IGF1R: variants seen among roughly 807,000 people sequenced by gnomAD.
IGF1R encodes the protein insulin-like growth factor 1 receptor.
In IGF1R, 44 loss-of-function variants were observed where a neutral mutation model predicts 144.6. The observed-to-expected ratio is 0.30, with a 90% CI of 0.24 to 0.39. The LOEUF (loss-of-function observed/expected upper bound fraction) is 0.39. Ranked by LOEUF, IGF1R falls within the 10% of genes least tolerant of loss-of-function variation. The pLI is 1.00. For synonymous variants in IGF1R, 795 were observed against 722.8 expected, an observed-to-expected ratio of 1.10 and a Z score of -1.60; for missense variants, 1,355 against 1,833.7, an observed-to-expected ratio of 0.74 and a Z score of 4.77.
chr15:98,714,975 G>A (rs1024332365), intron 2 of IGF1R, among the ~76,000 whole-genome samples: 1 of 152,158 alleles, frequency 6.6e-6, no homozygotes, highest in Non-Finnish European at 1.5e-5. Context: ...GGGGCTTGTG[G>A]ACCCTGGAGG....
At chr15:98,833,717 GT>G (rs1465994661) in intron 2 of IGF1R, among the ~76,000 whole-genome samples, 1 of 152,154 alleles carries the variant, frequency 6.6e-6, no homozygotes, top group African/African-American at 2.4e-5. Context: ...CATTTTGCAT[GT>G]TTTTGACAGG....
intron 2 of IGF1R, among the ~76,000 whole-genome samples, chr15:98,837,670 A>C (rs2011112085): frequency 6.6e-6 from 1 of 150,852 alleles, no homozygotes; most frequent in Non-Finnish European, 1.5e-5. Context: ...TGATCTTGTC[A>C]TGCTTTGGTG....
intron 2 of IGF1R, among the ~76,000 whole-genome samples, chr15:98,727,751 C>G (rs1455772929): frequency 6.6e-6 from 1 of 152,130 alleles, no homozygotes; most frequent in Non-Finnish European, 1.5e-5. Flanking sequence ...CCGGGTGGGT[C>G]CAGCACCCGC....
intron 2 of IGF1R, among the ~76,000 whole-genome samples, chr15:98,723,174 C>T (rs1332433487): frequency 1.3e-5 from 2 of 151,908 alleles, no homozygotes; most frequent in African/African-American, 2.4e-5. Context: ...TTTTATTCCA[C>T]GCTCCCCCAC....
At chr15:98,922,945 G>T (rs1404819901) in intron 11 of IGF1R, among the ~76,000 whole-genome samples, 1 of 152,128 alleles carries the variant, frequency 6.6e-6, no homozygotes, top group Non-Finnish European at 1.5e-5. Context: ...TTTGAAGGTG[G>T]GTGCCTTCAA....
rs1390246121 is a variant in IGF1R at position 98,961,574 on chromosome 15, T to A, written c.*4132T>A. On this transcript the variant is annotated 3_prime_UTR_variant, in exon 21 of 21. Coordinates refer to ENST00000650285, the MANE Select transcript of IGF1R (RefSeq NM_000875.5). ...TTCCAAATAATCTTAAGCTGAGTTGTGGCATTTTCCATGCAACCTCCTTCT... is the reference window on the plus strand; with the variant it reads ...TTCCAAATAATCTTAAGCTGAGTTGAGGCATTTTCCATGCAACCTCCTTCT... 1 of 233,684 alleles carries A rather than the reference T, an allele frequency of 4.3e-6. No individual in the cohort carries two copies. The highest frequency in any genetic ancestry group is 5.6e-5 in the Admixed American group (1 of 17,792). 14.5% of individuals were successfully genotyped at this position (233,684 alleles called of 1,614,324 possible).
At chr15:98,675,775 T>C (rs1391321982) in intron 1 of IGF1R, among the ~76,000 whole-genome samples, 1 of 151,998 alleles carries the variant, frequency 6.6e-6, no homozygotes, top group Admixed American at 6.5e-5. Flanking sequence ...CTGTTTTTTT[T>C]CTTCACTGGA....
chr15:98,708,389 C>T (rs556824104), intron 2 of IGF1R, among the ~76,000 whole-genome samples: 1 of 152,330 alleles, frequency 6.6e-6, no homozygotes, highest in Admixed American at 6.5e-5. Flanking sequence ...TAATCCAGCA[C>T]ACTCCTGGGC....
chr15:98,684,304 A>T lies in IGF1R; in HGVS notation c.95-23258A>T, dbSNP rs2053266510. 2.8e-5 allele frequency among the ~76,000 whole-genome samples: 4 copies of T among 140,744 alleles called. No homozygotes were observed. The South Asian group carries it at 8.8e-4, about 31-fold the overall frequency. 92.3% of individuals were successfully genotyped at this position (140,744 alleles called of 152,430 possible). ...TTTATCACAGCTGGAAAAATGTTTT[A>T]TTGTCATCTTTGTTTATCATAATAT... On this transcript the variant is annotated intron_variant, in intron 1 of 20. Transcript: ENST00000650285.
rs531301398 is a variant in IGF1R at position 98,838,857 on chromosome 15, C to T, written c.641-52468C>T. Among the ~76,000 whole-genome samples the T allele has an allele frequency of 9.2e-5, 14 of 152,318 alleles. No homozygotes were observed. In the East Asian group the frequency reaches 2.3e-3, roughly 25 times the overall value. On this transcript the variant is annotated intron_variant, in intron 2 of 20. Coordinates refer to ENST00000650285, the MANE Select transcript of IGF1R (RefSeq NM_000875.5). ...GTCCTCTTGTGATCACTCAGCAGAC[C>T]CGGGAAAAATTCAAGAATTTGTTTT...
At chr15:98,698,183 C>T (rs1336652262) in intron 1 of IGF1R, among the ~76,000 whole-genome samples, 2 of 151,368 alleles carry the variant, frequency 1.3e-5, no homozygotes, top group Non-Finnish European at 2.9e-5. Flanking sequence ...GGATTACAGG[C>T]GCCAGGCACC....
rs45493293 is a variant in IGF1R, at chr15:98,718,929, G to C, written c.640+10822G>C. Among the ~76,000 whole-genome samples, 483 of 149,222 alleles carry C rather than the reference G, an allele frequency of 3.2e-3. 6 individuals are homozygous for C. Among genetic ancestry groups the C allele is most frequent in the African/African-American group, 0.011 (433 of 40,402 alleles). ...AGTCAGATCCTTGGGTCCTAGAAAA[G>C]ACCAGCTTTGTTCCTGGGGTGGTAA... On this transcript the variant is annotated intron_variant, in intron 2 of 20. Transcript: ENST00000650285.
chr15:98,718,683 G>A (rs1226772254), intron 2 of IGF1R, among the ~76,000 whole-genome samples: 1 of 152,204 alleles, frequency 6.6e-6, no homozygotes, highest in Non-Finnish European at 1.5e-5. Flanking sequence ...GTGCTTGGAC[G>A]TGTTTTAGCA....
intron 2 of IGF1R, among the ~76,000 whole-genome samples, chr15:98,822,268 G>A (rs577006766): frequency 6.6e-6 from 1 of 152,156 alleles, no homozygotes; most frequent in South Asian, 2.1e-4. Flanking sequence ...GCCCTACCTC[G>A]AAGGCCCGGG....
Position 98,961,866 on chromosome 15 carries a change from G to C in IGF1R, c.*4424G>C, listed in dbSNP as rs1193212110. The C allele has an allele frequency of 4.3e-6, 1 of 233,228 alleles. No individual in the cohort carries two copies. The allele number at this position is 233,228 out of a possible 1,614,324, so 14.4% of individuals were successfully genotyped here. A position where few individuals can be genotyped will look rare whatever the true frequency, so the allele number is the denominator to read the frequency against. ...TGGCCGACCTGGCCTCTCCTGGCCT[G>C]TTTCTTAAGATGCGGAGTCACATTT... On this transcript the variant is annotated 3_prime_UTR_variant, in exon 21 of 21. Transcript: ENST00000650285.
At position 98,704,009 on chromosome 15, in the gene IGF1R, G is replaced by T. The variant is rs937537888; in HGVS notation, c.95-3553G>T. Among the ~76,000 whole-genome samples, 1 of 151,994 alleles carries T rather than the reference G, an allele frequency of 6.6e-6. No individual in the cohort carries two copies. ...AATTCCACACCTGACCTCATGTGAC[G>T]GGTCACTTTTCGAAACTCAGGCACA... On this transcript the variant is annotated intron_variant, in intron 1 of 20. Coordinates refer to ENST00000650285, the MANE Select transcript of IGF1R (RefSeq NM_000875.5). This position sits in a 1 kb window ranked among gnomAD's most constrained non-coding sequence, Gnocchi z 4.9.
intron 2 of IGF1R, among the ~76,000 whole-genome samples, chr15:98,855,732 AT>A (rs1252417625): frequency 2.0e-5 from 3 of 152,208 alleles, no homozygotes; most frequent in African/African-American, 7.2e-5. Context: ...GGAAACCCTA[AT>A]CTGAGGGAAT....
intron 2 of IGF1R, among the ~76,000 whole-genome samples, chr15:98,806,903 G>A (rs2056483851): frequency 6.6e-6 from 1 of 152,210 alleles, no homozygotes; most frequent in Non-Finnish European, 1.5e-5. Flanking sequence ...GCTCACACCT[G>A]TAATCCCAGC....
intron 2 of IGF1R, among the ~76,000 whole-genome samples, chr15:98,737,952 C>T (rs963157875): frequency 3.3e-5 from 5 of 152,166 alleles, no homozygotes; most frequent in Admixed American, 3.3e-4. Flanking sequence ...ATTCCTGGTC[C>T]CGCAGCCGTT....
Sources: gnomAD v4.1 joint callset for allele counts (sites outside exome capture counted in the v4.1 genomes callset) on GRCh38, gnomAD v4.1.1 for gene constraint, Gnocchi (gnomAD v3.1) non-coding constraint, MANE v1.5 for transcripts, NCBI Gene and HGNC (gene_info 2026-07-23, HGNC 2026-07-21) for gene names.